FAM13A: variants seen among roughly 807,000 people sequenced by gnomAD.
The protein encoded by FAM13A is protein FAM13A.
A neutral mutation model predicts 129.6 loss-of-function variants in FAM13A; 76 were observed. The observed-to-expected ratio is 0.59, with a 90% CI of 0.49 to 0.71. The LOEUF (loss-of-function observed/expected upper bound fraction) is 0.71. Ranked by LOEUF, FAM13A falls within the 30% of genes least tolerant of loss-of-function variation. The pLI, the probability that FAM13A is intolerant of heterozygous loss-of-function variation, is 0.00. For missense variants in FAM13A, 1,108 were observed against 1,249.3 expected, an observed-to-expected ratio of 0.89 and a Z score of 1.70; for synonymous variants, 443 against 449.9, an observed-to-expected ratio of 0.98 and a Z score of 0.20.
intron 8 of FAM13A, among the ~76,000 whole-genome samples, chr4:88,796,260 T>A (rs1465270867): frequency 6.6e-6 from 1 of 151,990 alleles, no homozygotes; most frequent in Non-Finnish European, 1.5e-5. Context: ...AGTTATCCCC[T>A]TCCTCCTGTC....
chr4:88,856,037 A>T (rs1268343723), intron 6 of FAM13A: 3 of 152,336 alleles, frequency 2.0e-5, no homozygotes, highest in Admixed American at 2.0e-4. Context: ...CTGCAGGAAA[A>T]TTTAAAATAA....
intron 23 of FAM13A, chr4:88,729,876 C>G (rs944113463): frequency 2.6e-5 from 4 of 152,206 alleles, no homozygotes; most frequent in African/African-American, 9.6e-5. Flanking sequence ...GAAAGATACA[C>G]GTCAAAACAT....
rs191853329 is a variant in FAM13A at position 88,753,667 on chromosome 4, T to C, written c.1727-3030A>G. 1.6e-5 allele frequency: 14 copies of C among 903,124 alleles called. No individual in the cohort carries two copies. In the East Asian group the frequency reaches 1.7e-3, roughly 107 times the overall value. 55.9% of individuals were successfully genotyped at this position (903,124 alleles called of 1,614,324 possible). A position where few individuals can be genotyped will look rare whatever the true frequency, so the allele number is the denominator to read the frequency against. Reference sequence around the variant, plus strand: ...TTTCTGTTATTCGATAGTCTTATAATTTAAGGCTTCTATTCAAAAGAGTTA... The same window carrying C: ...TTTCTGTTATTCGATAGTCTTATAACTTAAGGCTTCTATTCAAAAGAGTTA... On this transcript the variant is annotated intron_variant, in intron 14 of 23. Coordinates refer to ENST00000264344, the MANE Select transcript of FAM13A (RefSeq NM_014883.4).
intron 1 of FAM13A, among the ~76,000 whole-genome samples, chr4:89,053,497 T>C (rs1771853643): frequency 6.6e-6 from 1 of 152,178 alleles, no homozygotes; most frequent in South Asian, 2.1e-4. Flanking sequence ...ATTTGGTATA[T>C]GACCTTTCTG....
intron 7 of FAM13A, among the ~76,000 whole-genome samples, chr4:88,842,523 C>G (rs140152490): frequency 1.3e-5 from 2 of 152,174 alleles, no homozygotes; most frequent in East Asian, 3.9e-4. Flanking sequence ...TTGTTAATCA[C>G]AAATAAGTTT....
Position 88,895,490 on chromosome 4 carries a change from A to G in FAM13A, c.843+10889T>C, listed in dbSNP as rs953397447. On this transcript the variant is annotated intron_variant, in intron 6 of 23. Coordinates refer to ENST00000264344, the MANE Select transcript of FAM13A (RefSeq NM_014883.4). ...CATCAGAGTGAACAGGCAACCTACA[A>G]AATGGGAGAAAATTTTTGCAACCTA... Among the ~76,000 whole-genome samples, 7 of 150,140 alleles carry G rather than the reference A, an allele frequency of 4.7e-5. No individual in the cohort carries two copies. The South Asian group carries it at 1.1e-3, about 23-fold the overall frequency.
chr4:88,922,854 A>T, intron 5 of FAM13A, among the ~76,000 whole-genome samples: 1 of 152,206 alleles, frequency 6.6e-6, no homozygotes. Flanking sequence ...GCAATAAAAA[A>T]TGATAAAGGG....
chr4:88,815,027 G>C (rs1730443015), intron 7 of FAM13A, among the ~76,000 whole-genome samples: 1 of 151,984 alleles, frequency 6.6e-6, no homozygotes, highest in Non-Finnish European at 1.5e-5. Context: ...AAATTTTGTA[G>C]AGACAGAGTC....
Position 88,884,496 on chromosome 4 carries a change from TA to T in FAM13A, c.843+21882del, listed in dbSNP as rs1169789466. ...CAGCAAAACTGGCATAGAAGAGGCATACCTTAACGTAATAAAACCATCTAGG... is the reference window on the plus strand; with the variant it reads ...CAGCAAAACTGGCATAGAAGAGGCATCCTTAACGTAATAAAACCATCTAGG... On this transcript the variant is annotated intron_variant, in intron 6 of 23. Coordinates refer to ENST00000264344, the MANE Select transcript of FAM13A (RefSeq NM_014883.4). Among the ~76,000 whole-genome samples the T allele has an allele frequency of 4.9e-4, 75 of 152,292 alleles. No homozygotes were observed. The Middle Eastern group carries it at 0.017, about 35-fold the overall frequency.
chr4:88,798,924 G>A (rs1162330129), intron 8 of FAM13A, among the ~76,000 whole-genome samples: 1 of 152,062 alleles, frequency 6.6e-6, no homozygotes, highest in African/African-American at 2.4e-5. Flanking sequence ...TTCTACAAGT[G>A]AATTCTTCTT....
intron 4 of FAM13A, among the ~76,000 whole-genome samples, chr4:88,975,119 C>T (rs564906114): frequency 1.2e-4 from 19 of 152,178 alleles, no homozygotes; most frequent in South Asian, 4.2e-4. Flanking sequence ...AAAATCTAAA[C>T]GCTCAAAAGA....
Position 88,732,179 on chromosome 4 carries a change from T to G in FAM13A, c.2666A>C (p.Glu889Ala). 6.2e-7 allele frequency: 1 copy of G among 1,609,518 alleles called. No homozygotes were observed. The highest frequency in any genetic ancestry group is 8.5e-7 in the Non-Finnish European group (1 of 1,177,650). The change falls in exon 22 of 24, where the codon GAA becomes GCA. Residue 889 changes from glutamate to alanine, a missense_variant. Coordinates refer to ENST00000264344, the MANE Select transcript of FAM13A (RefSeq NM_014883.4). ...KEIKEEEEGS[E>A]DDSNVKPDFM... Reference sequence around the variant, plus strand: ...GTCTGGCTTCACATTGCTATCGTCTTCTGACCCCTCCTCTTCTTCCTGGAG... The same window carrying G: ...GTCTGGCTTCACATTGCTATCGTCTGCTGACCCCTCCTCTTCTTCCTGGAG...
At chr4:89,046,131 G>A (rs1770823654) in intron 1 of FAM13A, among the ~76,000 whole-genome samples, 1 of 151,916 alleles carries the variant, frequency 6.6e-6, no homozygotes, top group South Asian at 2.1e-4. Flanking sequence ...CAAAGGCTAA[G>A]AGAATACTGC....
chr4:88,924,435 C>G (rs1460248354), intron 5 of FAM13A, among the ~76,000 whole-genome samples: 2 of 152,148 alleles, frequency 1.3e-5, no homozygotes, highest in East Asian at 3.9e-4. Context: ...ACAAACCTGA[C>G]AAAAACAAGA....
intron 19 of FAM13A, among the ~76,000 whole-genome samples, chr4:88,742,766 T>C (rs1740530260): frequency 6.6e-6 from 1 of 152,192 alleles, no homozygotes; most frequent in African/African-American, 2.4e-5. Flanking sequence ...TCTCTTATTC[T>C]TGACTCATCA....
intron 7 of FAM13A, among the ~76,000 whole-genome samples, chr4:88,839,370 A>G (rs1303562202): frequency 6.6e-6 from 1 of 152,252 alleles, no homozygotes; most frequent in African/African-American, 2.4e-5. Flanking sequence ...CTATTTATTC[A>G]TTCAACAAGT....
intron 1 of FAM13A, among the ~76,000 whole-genome samples, chr4:89,034,252 C>T (rs1769074062): frequency 6.6e-6 from 1 of 151,978 alleles, no homozygotes; most frequent in South Asian, 2.1e-4. Flanking sequence ...ATAAATAACC[C>T]CATTAAAAAT....
chr4:88,776,491 T>C (rs1721739686), intron 11 of FAM13A, among the ~76,000 whole-genome samples: 1 of 152,208 alleles, frequency 6.6e-6, no homozygotes, highest in South Asian at 2.1e-4. Context: ...GTCAAATATT[T>C]TCTATTTTAT....
chr4:88,891,357 CT>C (rs1171481962), intron 6 of FAM13A, among the ~76,000 whole-genome samples: 1 of 152,116 alleles, frequency 6.6e-6, no homozygotes, highest in Non-Finnish European at 1.5e-5. Context: ...GAGATTGAGG[CT>C]GCAGTGAGCT....
Sources: gnomAD v4.1 joint callset for allele counts (sites outside exome capture counted in the v4.1 genomes callset) on GRCh38, gnomAD v4.1.1 for gene constraint, MANE v1.5 for transcripts, NCBI Gene and HGNC (gene_info 2026-07-23, HGNC 2026-07-21) for gene names.